Variants in ATP8A2 observed in about 807,000 individuals in gnomAD.
ATP8A2 encodes ATPase phospholipid transporting 8A2.
Under a neutral mutation model 165.6 loss-of-function variants are expected in ATP8A2, and 100 were observed. That is an observed-to-expected ratio of 0.60 (90% CI 0.51 to 0.71). The LOEUF (loss-of-function observed/expected upper bound fraction) is 0.71, where lower values mean the gene tolerates loss of function less well. Ranked by LOEUF, ATP8A2 falls within the 30% of genes least tolerant of loss-of-function variation. The pLI, the probability that ATP8A2 is intolerant of heterozygous loss-of-function variation, is 0.00. For synonymous variants in ATP8A2, 543 were observed against 548.8 expected, an observed-to-expected ratio of 0.99 and a Z score of 0.15; for missense variants, 1,227 against 1,479.5, an observed-to-expected ratio of 0.83 and a Z score of 2.80.
intron 27 of ATP8A2, among the ~76,000 whole-genome samples, chr13:25,797,053 A>G (rs1348785569): frequency 2.0e-5 from 3 of 152,114 alleles, no homozygotes; most frequent in Non-Finnish European, 2.9e-5. Flanking sequence ...AGATCACCTG[A>G]GGTCAGGAGT....
intron 24 of ATP8A2, among the ~76,000 whole-genome samples, chr13:25,687,251 T>C (rs1282208119): frequency 6.6e-6 from 1 of 152,208 alleles, no homozygotes; most frequent in Non-Finnish European, 1.5e-5. Flanking sequence ...GTTTGCTTTT[T>C]TCACCCAGTG....
intron 1 of ATP8A2, among the ~76,000 whole-genome samples, chr13:25,383,856 T>A (rs1479400031): frequency 6.6e-6 from 1 of 152,162 alleles, no homozygotes; most frequent in East Asian, 1.9e-4. Flanking sequence ...GACTCTCCCC[T>A]ACTTTCTCCC....
intron 27 of ATP8A2, among the ~76,000 whole-genome samples, chr13:25,821,891 C>G (rs1056324929): frequency 6.6e-6 from 1 of 152,182 alleles, no homozygotes; most frequent in Non-Finnish European, 1.5e-5. Context: ...CTGAGAATTA[C>G]TGCTAGAAAC....
chr13:25,591,089 C>T (rs1335502573), intron 24 of ATP8A2, among the ~76,000 whole-genome samples: 1 of 151,720 alleles, frequency 6.6e-6, no homozygotes, highest in African/African-American at 2.4e-5. Flanking sequence ...CCCTCTCACA[C>T]GTCTTTATTT....
chr13:26,007,613 C>T (rs974198427), intron 35 of ATP8A2, among the ~76,000 whole-genome samples: 2 of 152,160 alleles, frequency 1.3e-5, no homozygotes, highest in Middle Eastern at 3.2e-3. Flanking sequence ...AGAAAAGATC[C>T]TTCCAAACAC....
rs1225426760 is a variant in ATP8A2 at position 25,769,090 on chromosome 13, A to T, written c.2429A>T (p.Lys810Met). The change falls in exon 26 of 37, where the codon AAG becomes ATG. Residue 810 changes from lysine to methionine, a missense_variant. Around this residue, in one of 5 missense-constraint regions of ATP8A2, gnomAD observed 592 missense variants for 785.6 expected, o/e 0.75. Coordinates refer to ENST00000381655, the MANE Select transcript of ATP8A2 (RefSeq NM_016529.6). ...TCTGAGATAGTGGATGTGGTGAAGA[A>T]GCGGGTGAAGGCCATCACCCTCGCC... ...QKSEIVDVVK[K>M]RVKAITLAIG... 3.1e-6 allele frequency: 5 copies of T among 1,614,202 alleles called. No homozygotes were observed. The highest frequency in any genetic ancestry group is 2.5e-6 in the Non-Finnish European group (3 of 1,180,026).
At chr13:26,011,709 G>A (rs1314195319) in intron 35 of ATP8A2, among the ~76,000 whole-genome samples, 1 of 152,174 alleles carries the variant, frequency 6.6e-6, no homozygotes, top group Non-Finnish European at 1.5e-5. Context: ...CGAGGCAGGA[G>A]GATCACTTGA....
chr13:25,790,284 G>T (rs369694687), intron 27 of ATP8A2, among the ~76,000 whole-genome samples: 1 of 152,108 alleles, frequency 6.6e-6, no homozygotes, highest in East Asian at 1.9e-4. Context: ...AGAGTAAATA[G>T]ACAACCTACA....
intron 33 of ATP8A2, among the ~76,000 whole-genome samples, chr13:25,920,538 G>A (rs61947369): frequency 0.15 from 22,937 of 152,116 alleles, 1,972 homozygotes; most frequent in Non-Finnish European, 0.17. Context: ...GCCAAAAGCC[G>A]AAGTCCTCCC....
Position 25,531,980 on chromosome 13 carries a change from G to T in ATP8A2, c.421-292G>T, listed in dbSNP as rs9551210. On this transcript the variant is annotated intron_variant, in intron 4 of 36. Transcript: ENST00000381655. ...AATAAAATGAAGTTGGCTGTTTGTT[G>T]CTGGGTTTATCACACTGAATAATCA... Among the ~76,000 whole-genome samples, 192 of 152,292 alleles carry T rather than the reference G, an allele frequency of 1.3e-3. 5 individuals carry two copies. In the East Asian group the frequency reaches 0.035, roughly 27 times the overall value.
rs548020349 is a variant in ATP8A2 at position 25,594,759 on chromosome 13, A to G, written c.2211+5060A>G. 2.6e-5 allele frequency among the ~76,000 whole-genome samples: 4 copies of G among 152,266 alleles called. No homozygotes were observed. In the East Asian group the frequency reaches 5.8e-4, roughly 22 times the overall value. On this transcript the variant is annotated intron_variant, in intron 24 of 36. Transcript: ENST00000381655. ...GGGAATGTAAACTAGTACAACCACTATGGAAAACAGTGTGGAGTGTCCTTA... is the reference window on the plus strand; with the variant it reads ...GGGAATGTAAACTAGTACAACCACTGTGGAAAACAGTGTGGAGTGTCCTTA...
chr13:25,406,649 T>C (rs2033809855), intron 1 of ATP8A2, among the ~76,000 whole-genome samples: 2 of 152,258 alleles, frequency 1.3e-5, no homozygotes, highest in East Asian at 3.9e-4. Flanking sequence ...GAGTTGGCTC[T>C]CTCCAGGTGG....
intron 33 of ATP8A2, among the ~76,000 whole-genome samples, chr13:25,903,751 C>T (rs150793021): frequency 1.1e-4 from 17 of 152,250 alleles, no homozygotes; most frequent in Non-Finnish European, 2.2e-4. Flanking sequence ...CTCAGTGGAC[C>T]GACATCGACA....
intron 8 of ATP8A2, 56 bp downstream of exon 8, chr13:25,540,444 T>C: frequency 8.4e-7 from 1 of 1,196,084 alleles, no homozygotes; most frequent in Middle Eastern, 1.9e-4. Flanking sequence ...GCAAATGTGG[T>C]CCCCACATAT....
chr13:25,633,268 TTCCC>T (rs1407733403), intron 24 of ATP8A2, among the ~76,000 whole-genome samples: 2 of 152,164 alleles, frequency 1.3e-5, no homozygotes, highest in African/African-American at 2.4e-5. Context: ...AAGAAATTCC[TTCCC>T]TCCTGGAGGC....
intron 15 of ATP8A2, among the ~76,000 whole-genome samples, chr13:25,562,842 G>A (rs577704287): frequency 1.6e-4 from 24 of 152,154 alleles, no homozygotes; most frequent in African/African-American, 5.3e-4. Context: ...TTGTCTGGCC[G>A]CATGGGATGT....
chr13:25,493,800 G>A (rs2036594307), intron 2 of ATP8A2, among the ~76,000 whole-genome samples: 1 of 152,168 alleles, frequency 6.6e-6, no homozygotes, highest in Admixed American at 6.5e-5. Flanking sequence ...CTGTTTCAGG[G>A]TCAGGAAAAG....
Position 25,798,927 on chromosome 13 carries a change from G to A in ATP8A2, c.2679+23968G>A, listed in dbSNP as rs181549193. 2.0e-4 allele frequency among the ~76,000 whole-genome samples: 31 copies of A among 152,170 alleles called. 1 individual carries two copies. The highest frequency in any genetic ancestry group is 4.4e-5 in the Non-Finnish European group (3 of 67,996). On this transcript the variant is annotated intron_variant, in intron 27 of 36. Transcript: ENST00000381655. ...CCAGCTACTAGGGAGGCTGAGGCAGGAGGATTGCTTGAGGCCAGGAGTTTG... is the reference window on the plus strand; with the variant it reads ...CCAGCTACTAGGGAGGCTGAGGCAGAAGGATTGCTTGAGGCCAGGAGTTTG...
At chr13:25,699,997 A>T (rs1232971215) in intron 25 of ATP8A2, among the ~76,000 whole-genome samples, 4 of 152,146 alleles carry the variant, frequency 2.6e-5, no homozygotes, top group Non-Finnish European at 5.9e-5. Context: ...GGTCACAGAG[A>T]GCTGGAGGGG....
Sources: allele counts gnomAD v4.1 joint callset (sites outside exome capture counted in the v4.1 genomes callset), GRCh38; gene constraint gnomAD v4.1.1; regional missense constraint gnomAD v4.1.1; transcripts MANE v1.5; gene names NCBI Gene and HGNC (gene_info 2026-07-23, HGNC 2026-07-21).